Variants in CCDC40 observed in about 807,000 individuals in gnomAD.
CCDC40 encodes the protein coiled-coil domain 40 molecular ruler complex subunit.
Under a neutral mutation model 124.5 loss-of-function variants are expected in CCDC40, and 104 were observed. That is an observed-to-expected ratio of 0.84 (90% CI 0.71 to 0.98). The LOEUF (loss-of-function observed/expected upper bound fraction) is 0.98, where lower values mean the gene tolerates loss of function less well. Ranked by LOEUF, CCDC40 falls within the 50% of genes least tolerant of loss-of-function variation. CCDC40 has a pLI of 0.00. For synonymous variants in CCDC40, 580 were observed against 602.9 expected, an observed-to-expected ratio of 0.96 and a Z score of 0.56; for missense variants, 1,463 against 1,503.9, an observed-to-expected ratio of 0.97 and a Z score of 0.45.
At chr17:80,078,113 C>G (rs1032072050) in intron 10 of CCDC40, among the ~76,000 whole-genome samples, 6 of 151,970 alleles carry the variant, frequency 3.9e-5, no homozygotes, top group Non-Finnish European at 1.5e-5. Flanking sequence ...GGGCGGATCA[C>G]GAGGTCAGGA....
At position 80,050,246 on chromosome 17, in the gene CCDC40, C is replaced by T. The variant is rs2143617463; in HGVS notation, c.1122C>T (p.Thr374=). 1.3e-6 allele frequency: 2 copies of T among 1,590,640 alleles called. No individual in the cohort carries two copies. The highest frequency in any genetic ancestry group is 8.5e-7 in the Non-Finnish European group (1 of 1,170,286). Residue 374 remains threonine (T), a synonymous_variant, in exon 7 of 20, where the codon ACC becomes ACT. Coordinates refer to ENST00000397545, the MANE Select transcript of CCDC40 (RefSeq NM_017950.4). ...EELQAARALY[T]KTCAAANEER... ...TGCAGGCCGCCCGCGCTCTCTACAC[C>T]AAGACCTGCGCAGCCGCCAACGAGG...
chr17:80,078,229 G>A (rs2038357448), intron 10 of CCDC40, among the ~76,000 whole-genome samples: 2 of 151,812 alleles, frequency 1.3e-5, no homozygotes, highest in Non-Finnish European at 2.9e-5. Context: ...TACTTGGGAG[G>A]GTGAGGCAGG....
In CCDC40 at chr17:80,050,241, T is replaced by C. The variant is rs746113807; in HGVS notation, c.1117T>C (p.Tyr373His). 1 of 1,595,336 alleles carries C rather than the reference T, an allele frequency of 6.3e-7. No homozygotes were observed. The highest frequency in any genetic ancestry group is 1.1e-5 in the South Asian group (1 of 89,058). ...GGAGCTGCAGGCCGCCCGCGCTCTC[T>C]ACACCAAGACCTGCGCAGCCGCCAA... ...EEELQAARAL[Y>H]TKTCAAANEE... The change falls in exon 7 of 20, where the codon TAC becomes CAC. Residue 373 changes from tyrosine (Y) to histidine (H), a missense_variant. Tyr to His is a moderately conservative substitution (Grantham distance 83). Transcript: ENST00000397545.
At chr17:80,040,347 G>T in intron 3 of CCDC40, 77 bp downstream of exon 3, 1 of 1,327,396 alleles carries the variant, frequency 7.5e-7, no homozygotes. Context: ...AGGAACTTGG[G>T]AATACATTAT....
Position 80,067,506 on chromosome 17 carries a change from G to A in CCDC40, c.1562+1900G>A, listed in dbSNP as rs185948937. 3.6e-4 allele frequency: 446 copies of A among 1,226,364 alleles called. 2 individuals are homozygous for A. The highest frequency in any genetic ancestry group is 3.4e-3 in the South Asian group (267 of 77,850). 76.0% of individuals were successfully genotyped at this position (1,226,364 alleles called of 1,614,324 possible). ...CTCTTTGCTTTTTCCATTTAACAGC[G>A]TGTCCCTAGAGCGCTTCCCAAGTCA... is the stretch of plus-strand genomic sequence containing the variant. On this transcript the variant is annotated intron_variant, in intron 10 of 19. Transcript: ENST00000397545.
intron 3 of CCDC40, among the ~76,000 whole-genome samples, chr17:80,040,967 C>A (rs2037264145): frequency 6.6e-6 from 1 of 152,194 alleles, no homozygotes; most frequent in South Asian, 2.1e-4. Flanking sequence ...ATTTAAATAG[C>A]CACCTGTTGC....
chr17:80,091,160 T>G (rs1164676420), intron 17 of CCDC40, among the ~76,000 whole-genome samples: 1 of 152,188 alleles, frequency 6.6e-6, no homozygotes, highest in Admixed American at 6.5e-5. Context: ...AGTTACAATA[T>G]ATACTATGGA....
Position 80,040,039 on chromosome 17 carries a change from C to T in CCDC40, c.321C>T (p.Ile107=). The part of the protein sequence containing the change: ...YTETSSPEGQ[I]SAADTTYPYF... The stretch of plus-strand genomic sequence containing the variant: ...AAACTTCATCCCCGGAAGGGCAAAT[C>T]AGTGCTGCAGATACGACTTACCCGT... Residue 107 remains isoleucine, a synonymous_variant, in exon 3 of 20, where the codon ATC becomes ATT. Coordinates refer to ENST00000397545, the MANE Select transcript of CCDC40 (RefSeq NM_017950.4). The T allele has an allele frequency of 6.2e-7, 1 of 1,614,044 alleles. No individual in the cohort carries two copies. The highest frequency in any genetic ancestry group is 2.2e-5 in the East Asian group (1 of 44,872).
intron 10 of CCDC40, among the ~76,000 whole-genome samples, chr17:80,080,311 A>C (rs914501975): frequency 2.0e-5 from 3 of 152,230 alleles, no homozygotes; most frequent in African/African-American, 7.2e-5. Context: ...GCTGAGGCGT[A>C]AGAATGACTT....
intron 10 of CCDC40, among the ~76,000 whole-genome samples, chr17:80,078,932 CTT>C (rs529655342): frequency 9.7e-4 from 127 of 131,598 alleles, no homozygotes; most frequent in African/African-American, 1.9e-3. Context: ...GTATCAGTAT[CTT>C]TTTTTTTTTT....
intron 7 of CCDC40, among the ~76,000 whole-genome samples, chr17:80,056,018 T>TATATATAATATA (rs2037740131): frequency 2.3e-5 from 1 of 44,318 alleles, no homozygotes; most frequent in African/African-American, 7.6e-5. Context: ...ATATATATAT[T>TATATATAATATA]TTTTTTTTTT....
At chr17:80,095,479 C>A in intron 18 of CCDC40, 28 bp downstream of exon 18, 1 of 1,605,348 alleles carries the variant, frequency 6.2e-7, no homozygotes, top group South Asian at 1.1e-5. Flanking sequence ...GGAAACAGGG[C>A]GCCTGCTCCT....
rs1335290004 is a variant in CCDC40 at position 80,088,262 on chromosome 17, G to A, written c.2711+160G>A. ...GTTGTTTTGTTTTTTGTTTTGTTTTGTTTTGTTTTTAGACAGTCTTGCTCT... is the reference window on the plus strand; with the variant it reads ...GTTGTTTTGTTTTTTGTTTTGTTTTATTTTGTTTTTAGACAGTCTTGCTCT... On this transcript the variant is annotated intron_variant, in intron 16 of 19. Transcript: ENST00000397545. The A allele has an allele frequency of 8.9e-5, 63 of 704,470 alleles. 1 individual carries two copies. In the South Asian group the frequency reaches 9.4e-4, roughly 10 times the overall value. 43.6% of individuals were successfully genotyped at this position (704,470 alleles called of 1,614,324 possible).
At chr17:80,039,663 G>A in intron 2 of CCDC40, 149 bp from the exon 3 acceptor site, 4 of 1,007,058 alleles carry the variant, frequency 4.0e-6, no homozygotes, top group Non-Finnish European at 5.8e-6. Context: ...GCCTGCCTCA[G>A]CCTCCCAAAG....
chr17:80,085,226 G>A (rs536426582), intron 13 of CCDC40, among the ~76,000 whole-genome samples: 4 of 152,380 alleles, frequency 2.6e-5, no homozygotes, highest in South Asian at 2.1e-4. Context: ...GCAGTGACAC[G>A]GCTCTGCCTC....
intron 7 of CCDC40, among the ~76,000 whole-genome samples, chr17:80,054,409 T>C (rs2037685693): frequency 6.6e-6 from 1 of 152,176 alleles, no homozygotes; most frequent in Non-Finnish European, 1.5e-5. Context: ...TCTAGTAACC[T>C]TTCAAGGAAC....
At chr17:80,091,782 T>A (rs2038728524) in intron 17 of CCDC40, among the ~76,000 whole-genome samples, 1 of 152,150 alleles carries the variant, frequency 6.6e-6, no homozygotes, top group Non-Finnish European at 1.5e-5. Context: ...CTTTTTTTTT[T>A]CTTCTAGACT....
At chr17:80,080,792 A>C (rs1406048772) in intron 10 of CCDC40, among the ~76,000 whole-genome samples, 2 of 152,194 alleles carry the variant, frequency 1.3e-5, no homozygotes, top group Non-Finnish European at 2.9e-5. Flanking sequence ...ATAATAGTCA[A>C]GATTTGGCTA....
chr17:80,038,206 G>A lies in CCDC40; in HGVS notation c.93+20G>A, dbSNP rs1418521736. On this transcript the variant is annotated intron_variant, in intron 2 of 19. Transcript: ENST00000397545. Reference sequence around the variant, plus strand: ...CACATGGTAAAATTCCCTATGGGCAGTTATTCCGGGCTTATATTTACTAGG... The same window carrying A: ...CACATGGTAAAATTCCCTATGGGCAATTATTCCGGGCTTATATTTACTAGG... 13 of 1,491,940 alleles carry A rather than the reference G, an allele frequency of 8.7e-6. No homozygotes were observed. The highest frequency in any genetic ancestry group is 1.1e-5 in the Non-Finnish European group (12 of 1,070,916). 92.4% of individuals were successfully genotyped at this position (1,491,940 alleles called of 1,614,324 possible).
Sources: allele counts gnomAD v4.1 joint callset (sites outside exome capture counted in the v4.1 genomes callset), GRCh38; gene constraint gnomAD v4.1.1; transcripts MANE v1.5; gene names NCBI Gene and HGNC (gene_info 2026-07-23, HGNC 2026-07-21).